Variants in ITPR2 observed in about 807,000 individuals in gnomAD.
ITPR2 encodes the protein inositol 1,4,5-trisphosphate-gated calcium channel ITPR2.
In ITPR2, 207 loss-of-function variants were observed where a neutral mutation model predicts 317.1. The observed-to-expected ratio is 0.65, with a 90% CI of 0.58 to 0.73. The LOEUF (loss-of-function observed/expected upper bound fraction) is 0.73. Among genes scored for constraint, ITPR2 ranks in the 30% least tolerant of loss-of-function variants. ITPR2 has a pLI of 0.00. For synonymous variants in ITPR2, 1,156 were observed against 1,149.1 expected (o/e 1.01, Z -0.12); for missense variants, 2,613 against 3,284.0 (o/e 0.80, Z 4.99).
chr12:26,653,519 C>T (rs554892835), intron 21 of ITPR2, among the ~76,000 whole-genome samples: 8 of 152,262 alleles, frequency 5.3e-5, no homozygotes, highest in Admixed American at 2.6e-4. Flanking sequence ...GGATTACAGG[C>T]GTGAGCCACC....
chr12:26,784,149 A>G (rs905033329), intron 2 of ITPR2, among the ~76,000 whole-genome samples: 2 of 152,024 alleles, frequency 1.3e-5, no homozygotes, highest in Non-Finnish European at 2.9e-5. Flanking sequence ...TGAGATGCAA[A>G]TAACAGGGGA....
intron 2 of ITPR2, among the ~76,000 whole-genome samples, chr12:26,776,386 A>T (rs995713796): frequency 1.3e-5 from 2 of 152,202 alleles, no homozygotes; most frequent in African/African-American, 4.8e-5. Context: ...GCAGCTACGG[A>T]GCCTCAAATC....
chr12:26,681,076 G>C (rs1948019226), intron 13 of ITPR2, among the ~76,000 whole-genome samples: 1 of 152,210 alleles, frequency 6.6e-6, no homozygotes, highest in African/African-American at 2.4e-5. Flanking sequence ...GCATGTAGTA[G>C]ATCATGAAGA....
rs148248824 is a variant in ITPR2, at chr12:26,459,564, C to A, written c.6342+15732G>T. Among the ~76,000 whole-genome samples the A allele has an allele frequency of 6.5e-3, 988 of 152,326 alleles. 6 individuals are homozygous for A. Among genetic ancestry groups the A allele is most frequent in the Middle Eastern group, 0.027 (8 of 294 alleles). On this transcript the variant is annotated intron_variant, in intron 45 of 56. Coordinates refer to ENST00000381340, the MANE Select transcript of ITPR2 (RefSeq NM_002223.4). ...ACAGCTGCACCTCGTTTATTGAGTT[C>A]TTGAGGGCCTTTGGCCCCACCCTCT...
At chr12:26,372,229 G>A (rs1388588836) in intron 55 of ITPR2, among the ~76,000 whole-genome samples, 1 of 152,044 alleles carries the variant, frequency 6.6e-6, no homozygotes, top group Non-Finnish European at 1.5e-5. Context: ...CCTGAAGCAG[G>A]GAATTTATTC....
intron 41 of ITPR2, among the ~76,000 whole-genome samples, chr12:26,484,591 A>G (rs563774835): frequency 1.3e-5 from 2 of 152,346 alleles, no homozygotes; most frequent in African/African-American, 4.8e-5. Flanking sequence ...ACATTAGAAT[A>G]CTGTAAAACT....
intron 10 of ITPR2, among the ~76,000 whole-genome samples, chr12:26,694,241 G>A (rs1025704322): frequency 4.6e-5 from 7 of 152,132 alleles, no homozygotes; most frequent in Non-Finnish European, 8.8e-5. Flanking sequence ...CCCTAATCAT[G>A]TCTAAACACA....
chr12:26,452,447 TG>T (rs778852065), intron 45 of ITPR2, among the ~76,000 whole-genome samples: 108 of 152,326 alleles, frequency 7.1e-4, no homozygotes, highest in Non-Finnish European at 1.4e-3. Flanking sequence ...ATTGGTTATT[TG>T]TCACTCATAG....
chr12:26,826,115 T>C (rs747851386), intron 1 of ITPR2, among the ~76,000 whole-genome samples: 2 of 152,096 alleles, frequency 1.3e-5, no homozygotes, highest in Non-Finnish European at 2.9e-5. Context: ...AAAAGTCCTA[T>C]TGAGGCTGGG....
At chr12:26,340,694 TC>T (rs1454569967) in intron 55 of ITPR2, among the ~76,000 whole-genome samples, 2 of 151,952 alleles carry the variant, frequency 1.3e-5, no homozygotes, top group Non-Finnish European at 2.9e-5. Flanking sequence ...TGTTTCTCTT[TC>T]CCCCTGGCAC....
intron 34 of ITPR2, among the ~76,000 whole-genome samples, chr12:26,564,607 G>A (rs922689038): frequency 3.9e-5 from 6 of 152,190 alleles, no homozygotes; most frequent in African/African-American, 1.4e-4. Flanking sequence ...AATTCAACTG[G>A]TGTCCTTATA....
chr12:26,484,171 A>G (rs1004917044), intron 41 of ITPR2, among the ~76,000 whole-genome samples: 1 of 151,082 alleles, frequency 6.6e-6, no homozygotes, highest in South Asian at 2.1e-4. Flanking sequence ...ATATACATAT[A>G]TGTGTATATA....
chr12:26,597,228 T>G, intron 30 of ITPR2, 94 bp from the exon 31 acceptor site: 1 of 1,331,290 alleles, frequency 7.5e-7, no homozygotes, highest in South Asian at 1.2e-5. Context: ...CACGTATATC[T>G]CTTCGTAAAA....
At chr12:26,429,320 G>A (rs1016096184) in intron 48 of ITPR2, among the ~76,000 whole-genome samples, 3 of 152,176 alleles carry the variant, frequency 2.0e-5, no homozygotes, top group Non-Finnish European at 4.4e-5. Flanking sequence ...AGCTTGGGAA[G>A]ACAGATGTGA....
intron 51 of ITPR2, among the ~76,000 whole-genome samples, chr12:26,413,261 C>G (rs529598529): frequency 6.6e-6 from 1 of 152,326 alleles, no homozygotes; most frequent in South Asian, 2.1e-4. Flanking sequence ...GCCAATTACC[C>G]GTCCTCTATT....
At chr12:26,471,139 T>C (rs1942282504) in intron 45 of ITPR2, among the ~76,000 whole-genome samples, 1 of 152,152 alleles carries the variant, frequency 6.6e-6, no homozygotes, top group African/African-American at 2.4e-5. Flanking sequence ...TGCTATCTAA[T>C]ACTTCTCCCC....
At chr12:26,632,572 G>A (rs1017235581) in intron 21 of ITPR2, among the ~76,000 whole-genome samples, 1 of 152,152 alleles carries the variant, frequency 6.6e-6, no homozygotes, top group Non-Finnish European at 1.5e-5. Context: ...TTGTGAGGAG[G>A]ACTGTTACCT....
intron 26 of ITPR2, among the ~76,000 whole-genome samples, chr12:26,620,142 A>G (rs904798168): frequency 6.6e-6 from 1 of 152,190 alleles, no homozygotes; most frequent in Non-Finnish European, 1.5e-5. Flanking sequence ...ATTCAATTCA[A>G]CTTCTGCCAA....
intron 43 of ITPR2, among the ~76,000 whole-genome samples, chr12:26,480,455 A>G (rs755291958): frequency 1.3e-5 from 2 of 152,200 alleles, no homozygotes; most frequent in Non-Finnish European, 2.9e-5. Flanking sequence ...GACTTTGTCT[A>G]ATTCCTTGTG....
Sources: allele counts gnomAD v4.1 joint callset (sites outside exome capture counted in the v4.1 genomes callset), GRCh38; gene constraint gnomAD v4.1.1; transcripts MANE v1.5; gene names NCBI Gene and HGNC (gene_info 2026-07-23, HGNC 2026-07-21).